The following UNC79 variants were observed in gnomAD, a reference collection of about 807,000 sequenced individuals.
UNC79 encodes the protein unc-79 subunit of NALCN channel complex.
UNC79 carries 37 observed loss-of-function variants against 283.1 expected under a neutral mutation model. The observed-to-expected ratio is 0.13, with a 90% CI of 0.10 to 0.17. The LOEUF (loss-of-function observed/expected upper bound fraction) is 0.17. Ranked by LOEUF, UNC79 falls within the 10% of genes least tolerant of loss-of-function variation. The pLI, the probability that UNC79 is intolerant of heterozygous loss-of-function variation, is 1.00. For synonymous variants in UNC79, 1,107 were observed against 1,200.2 expected (o/e 0.92, Z 1.61); for missense variants, 2,272 against 3,211.1 (o/e 0.71, Z 7.07).
chr14:93,360,703 A>G (rs2054202540), intron 1 of UNC79, among the ~76,000 whole-genome samples: 2 of 152,234 alleles, frequency 1.3e-5, no homozygotes, highest in African/African-American at 4.8e-5. Flanking sequence ...GGTCCATTAC[A>G]TTGATGACAT....
intron 14 of UNC79, among the ~76,000 whole-genome samples, chr14:93,564,296 GC>G (rs1168919950): frequency 1.3e-5 from 2 of 152,158 alleles, no homozygotes; most frequent in African/African-American, 2.4e-5. Flanking sequence ...TGTTAGGATG[GC>G]AAAACCAGGT....
intron 1 of UNC79, among the ~76,000 whole-genome samples, chr14:93,351,753 T>A (rs907055794): frequency 6.6e-6 from 1 of 152,048 alleles, no homozygotes; most frequent in Non-Finnish European, 1.5e-5. Context: ...AGCTGGCAGG[T>A]CAAAAATCTG....
intron 7 of UNC79, among the ~76,000 whole-genome samples, chr14:93,523,366 T>C (rs1388517121): frequency 6.6e-6 from 1 of 152,150 alleles, no homozygotes; most frequent in Non-Finnish European, 1.5e-5. Flanking sequence ...TGCATTTCAT[T>C]TGGGCAAGAA....
intron 31 of UNC79, 33 bp downstream of exon 33, chr14:93,630,941 G>A (rs2148563): frequency 0.69 from 1,092,341 of 1,574,646 alleles, 382,515 homozygotes; most frequent in African/African-American, 0.84. Context: ...TTTCATCTAT[G>A]CATTTATTTT....
At chr14:93,597,188 G>C (rs552296708) in intron 23 of UNC79, among the ~76,000 whole-genome samples, 171 bp from the exon 24 acceptor site, 2 of 152,226 alleles carry the variant, frequency 1.3e-5, no homozygotes, top group Non-Finnish European at 2.9e-5. Flanking sequence ...TGGAACACTC[G>C]AGATGGTGGT....
chr14:93,513,070 G>A (rs1266644882), intron 7 of UNC79, among the ~76,000 whole-genome samples: 2 of 152,024 alleles, frequency 1.3e-5, no homozygotes, highest in Non-Finnish European at 2.9e-5. Context: ...TCAAGGCTTA[G>A]CTTTATTTAT....
chr14:93,481,755 A>C (rs1222972961), intron 4 of UNC79, among the ~76,000 whole-genome samples: 1 of 152,224 alleles, frequency 6.6e-6, no homozygotes, highest in Non-Finnish European at 1.5e-5. Context: ...ACATAGAAAA[A>C]ACAGTAAAAA....
chr14:93,422,600 G>C (rs2055624220), intron 1 of UNC79, among the ~76,000 whole-genome samples: 1 of 151,966 alleles, frequency 6.6e-6, no homozygotes, highest in Non-Finnish European at 1.5e-5. Context: ...CAGATGGTTG[G>C]GGGGGCCTTA....
At chr14:93,342,063 C>G (rs1158866653) in intron 1 of UNC79, among the ~76,000 whole-genome samples, 1 of 152,172 alleles carries the variant, frequency 6.6e-6, no homozygotes, top group Non-Finnish European at 1.5e-5. Flanking sequence ...CTTCTCACAG[C>G]TCCACTAGGC....
rs552611465 is a variant in UNC79, at chr14:93,464,349, C to G, written c.23-3322C>G. ...GCCTCTCTCCTTGACTTGCAGATGG[C>G]TGCCTTCTCTCTCTGTCCTCACGTG... On this transcript the variant is annotated intron_variant, in intron 1 of 48. Coordinates refer to ENST00000555664, the Ensembl canonical transcript of UNC79. Among the ~76,000 whole-genome samples, 3 of 152,284 alleles carry G rather than the reference C, an allele frequency of 2.0e-5. No individual in the cohort carries two copies. In the South Asian group the frequency reaches 6.2e-4, roughly 32 times the overall value.
chr14:93,371,808 C>T (rs6575327), intron 1 of UNC79, among the ~76,000 whole-genome samples: 90,950 of 151,768 alleles, frequency 0.6, 27,738 homozygotes, highest in Admixed American at 0.67. Flanking sequence ...CAACTGCACT[C>T]CAGCCTAGGG....
intron 40 of UNC79, among the ~76,000 whole-genome samples, chr14:93,664,906 A>G (rs1248769718): frequency 6.6e-6 from 1 of 152,136 alleles, no homozygotes; most frequent in Non-Finnish European, 1.5e-5. Context: ...TAAAATCCTA[A>G]TGAACATGAG....
intron 10 of UNC79, among the ~76,000 whole-genome samples, chr14:93,530,904 G>C (rs1016783255): frequency 7.2e-5 from 11 of 151,998 alleles, no homozygotes; most frequent in African/African-American, 2.4e-4. Flanking sequence ...GCGAGACTCC[G>C]TCTCAGAAAA....
chr14:93,530,830 A>C (rs2060785190), intron 10 of UNC79, among the ~76,000 whole-genome samples: 1 of 151,152 alleles, frequency 6.6e-6, no homozygotes, highest in South Asian at 2.1e-4. Context: ...AATGGCGTGA[A>C]CCTTTGAGGC....
At position 93,622,125 on chromosome 14, in the gene UNC79, C is replaced by G; in HGVS notation, c.4892C>G (p.Ser1631Cys). The change falls in exon 30 of 49, where the codon TCT (serine) becomes TGT (cysteine). Residue 1631 changes from serine (S) to cysteine (C), a missense_variant. Ser to Cys is a moderately radical substitution (Grantham distance 112). Coordinates refer to ENST00000555664, the Ensembl canonical transcript of UNC79. ...ATACTCTCAACCTCCGACAGCGACT[C>G]TCTTGTATTTGAGCCTCTTCCCCCT... 1 of 1,614,164 alleles carries G rather than the reference C, an allele frequency of 6.2e-7. No homozygotes were observed. The highest frequency in any genetic ancestry group is 8.5e-7 in the Non-Finnish European group (1 of 1,180,034).
At chr14:93,565,712 C>T (rs1287716481) in intron 14 of UNC79, among the ~76,000 whole-genome samples, 3 of 152,096 alleles carry the variant, frequency 2.0e-5, no homozygotes, top group African/African-American at 4.8e-5. Flanking sequence ...AACAGACAGA[C>T]GACAGGGAAG....
At chr14:93,489,146 C>T (rs2058602573) in intron 5 of UNC79, among the ~76,000 whole-genome samples, 1 of 152,162 alleles carries the variant, frequency 6.6e-6, no homozygotes, top group South Asian at 2.1e-4. Flanking sequence ...ATTATGTTTC[C>T]CAGACTGGCC....
At chr14:93,366,571 C>A (rs1595393040) in intron 1 of UNC79, among the ~76,000 whole-genome samples, 1 of 139,666 alleles carries the variant, frequency 7.2e-6, no homozygotes, top group African/African-American at 2.6e-5. Context: ...TTTTTTTATT[C>A]TTTTTTTTTT....
intron 42 of UNC79, among the ~76,000 whole-genome samples, chr14:93,684,486 T>C (rs2074089873): frequency 6.6e-6 from 1 of 152,210 alleles, no homozygotes; most frequent in African/African-American, 2.4e-5. Context: ...GGTAAGACTA[T>C]TATGTACCTA....
Sources: allele counts gnomAD v4.1 joint callset (sites outside exome capture counted in the v4.1 genomes callset), GRCh38; gene constraint gnomAD v4.1.1; transcripts MANE v1.5; gene names NCBI Gene and HGNC (gene_info 2026-07-23, HGNC 2026-07-21).